Variants in ITGB2 observed in about 807,000 individuals in gnomAD.
The protein encoded by ITGB2 is integrin subunit beta 2.
ITGB2 carries 56 observed loss-of-function variants against 86.8 expected under a neutral mutation model. That is an observed-to-expected ratio of 0.65 (90% CI 0.52 to 0.81). The LOEUF (loss-of-function observed/expected upper bound fraction) is 0.81. Ranked by LOEUF, ITGB2 falls within the 30% of genes least tolerant of loss-of-function variation. The pLI, the probability that ITGB2 is intolerant of heterozygous loss-of-function variation, is 0.00. For synonymous variants in ITGB2, 457 were observed against 450.4 expected (o/e 1.01, Z -0.19); for missense variants, 948 against 1,061.2 (o/e 0.89, Z 1.48).
chr21:44,894,959 C>CG lies in ITGB2; in HGVS notation c.1083+11dup, dbSNP rs761870593. The CG allele has an allele frequency of 6.4e-7, 1 of 1,565,854 alleles. No homozygotes were observed. The highest frequency in any genetic ancestry group is 8.8e-7 in the Non-Finnish European group (1 of 1,136,274). Reference sequence around the variant, plus strand: ...CCCCATGGGTCCCAGCTGAGTGGTGCGGGAGACTCACATTGTAAGCATTCT... The same window carrying CG: ...CCCCATGGGTCCCAGCTGAGTGGTGCGGGGAGACTCACATTGTAAGCATTCT... On this transcript the variant is annotated intron_variant, in intron 9 of 15. Coordinates refer to ENST00000652462, the MANE Select transcript of ITGB2 (RefSeq NM_000211.5).
intron 6 of ITGB2, among the ~76,000 whole-genome samples, 179 bp downstream of exon 6, chr21:44,901,313 C>T (rs943790016): frequency 1.3e-5 from 2 of 152,240 alleles, no homozygotes; most frequent in Non-Finnish European, 2.9e-5. Flanking sequence ...GTCACCCTCC[C>T]TTCCTCCTGC....
Position 44,907,057 on chromosome 21 carries a change from G to C in ITGB2, c.186C>G (p.Cys62Trp). ...TGPGDPDSIR[C>W]DTRPQLLMRG... is the part of the protein sequence containing the mutation. ...TCATGAGCAGCTGTGGCCGGGTGTC[G>C]CAGCGAATGGAGTCAGGATCCCCCG... The change falls in exon 4 of 16, where the codon TGC becomes TGG. Residue 62 changes from cysteine (C) to tryptophan (W), a missense_variant. Physicochemically the swap from Cys to Trp is radical, Grantham distance 215. Coordinates refer to ENST00000652462, the MANE Select transcript of ITGB2 (RefSeq NM_000211.5). 2 of 1,610,582 alleles carry C rather than the reference G, an allele frequency of 1.2e-6. No homozygotes were observed. The highest frequency in any genetic ancestry group is 1.7e-6 in the Non-Finnish European group (2 of 1,177,350).
chr21:44,909,452 A>G (rs911188455), intron 3 of ITGB2: 4 of 152,464 alleles, frequency 2.6e-5, no homozygotes, highest in Non-Finnish European at 5.9e-5. Context: ...ACTTGTCCAG[A>G]TTCAAGAAGC....
At chr21:44,887,459 T>C (rs1187052770) in intron 14 of ITGB2, among the ~76,000 whole-genome samples, 1 of 152,092 alleles carries the variant, frequency 6.6e-6, no homozygotes, top group Non-Finnish European at 1.5e-5. Context: ...CTGCTGACCC[T>C]GGGACAGACA....
chr21:44,892,549 G>C (rs896598586), intron 10 of ITGB2, among the ~76,000 whole-genome samples: 3 of 135,654 alleles, frequency 2.2e-5, no homozygotes, highest in Non-Finnish European at 3.1e-5. Context: ...GGATTGTAGT[G>C]AGCCAAGATC....
Position 44,919,646 on chromosome 21 carries a change from G to A in ITGB2, c.-4+1175C>T, listed in dbSNP as rs925833361. On this transcript the variant is annotated intron_variant, in intron 1 of 15. Coordinates refer to ENST00000652462, the MANE Select transcript of ITGB2 (RefSeq NM_000211.5). ...CGTCACGGGGAAGGCGAGTGACAGCGAGTGTCCCCTATGCCCCCACAGCTC... is the reference window on the plus strand; with the variant it reads ...CGTCACGGGGAAGGCGAGTGACAGCAAGTGTCCCCTATGCCCCCACAGCTC... Among the ~76,000 whole-genome samples the A allele has an allele frequency of 1.3e-5, 2 of 152,302 alleles. 1 individual carries two copies.
chr21:44,907,816 G>T (rs898371892), intron 3 of ITGB2, among the ~76,000 whole-genome samples: 3 of 152,232 alleles, frequency 2.0e-5, no homozygotes, highest in African/African-American at 7.2e-5. Context: ...GCAGGCAGGG[G>T]GGCAGGTGGG....
chr21:44,909,076 G>T (rs2084089342), intron 3 of ITGB2, among the ~76,000 whole-genome samples: 1 of 152,222 alleles, frequency 6.6e-6, no homozygotes, highest in Admixed American at 6.5e-5. Context: ...CCAATCTGCA[G>T]CCATCGCAGT....
intron 1 of ITGB2, among the ~76,000 whole-genome samples, chr21:44,915,363 A>T (rs1222746535): frequency 6.6e-6 from 1 of 152,144 alleles, no homozygotes; most frequent in East Asian, 1.9e-4. Context: ...CCCTAAGACG[A>T]GACTGCTTGA....
upstream of ITGB2, among the ~76,000 whole-genome samples, chr21:44,925,309 C>T (rs1003917765): frequency 5.3e-5 from 8 of 151,128 alleles, no homozygotes; most frequent in East Asian, 1.9e-4. Flanking sequence ...GACTAGGTCT[C>T]GCTACGTTGC....
chr21:44,900,277 T>C (rs763576108), intron 7 of ITGB2, 43 bp downstream of exon 7: 2 of 1,613,186 alleles, frequency 1.2e-6, no homozygotes, highest in South Asian at 2.2e-5. Context: ...CCGTCAGTGG[T>C]GTCCTGCCAG....
chr21:44,923,868 CT>C (rs2084339421), upstream of ITGB2, among the ~76,000 whole-genome samples: 2 of 152,014 alleles, frequency 1.3e-5, no homozygotes, highest in African/African-American at 4.8e-5. Context: ...ACACTGAAGG[CT>C]GAAAATAAAG....
At chr21:44,909,445 T>C (rs979122613) in intron 3 of ITGB2, 1 of 152,384 alleles carries the variant, frequency 6.6e-6, no homozygotes, top group Non-Finnish European at 1.5e-5. Context: ...GCTGAGGACT[T>C]GTCCAGATTC....
chr21:44,901,276 T>C (rs1190310499), intron 6 of ITGB2, among the ~76,000 whole-genome samples: 1 of 152,226 alleles, frequency 6.6e-6, no homozygotes, highest in Non-Finnish European at 1.5e-5. Flanking sequence ...AACAATGAAA[T>C]CAGCGCATGA....
rs1322277324 is a variant in ITGB2 at position 44,926,133 on chromosome 21, AT to A, written c.-4+2520del. Among the ~76,000 whole-genome samples the A allele has an allele frequency of 5.4e-3, 820 of 151,660 alleles. 6 individuals are homozygous for A. Among genetic ancestry groups the A allele is most frequent in the African/African-American group, 0.019 (770 of 41,410 alleles). On this transcript the variant is annotated intron_variant, in intron 1 of 15. Transcript: ENST00000355153. ...AAATATATATACAATAAATAAATAA[AT>A]TAATTAATTAATTAAATAAAGGCTG...
At chr21:44,906,675 G>C (rs1187608486) in intron 4 of ITGB2, among the ~76,000 whole-genome samples, 1 of 152,202 alleles carries the variant, frequency 6.6e-6, no homozygotes, top group Non-Finnish European at 1.5e-5. Flanking sequence ...GGCTGCGAGA[G>C]AGTGCAGACA....
intron 7 of ITGB2, among the ~76,000 whole-genome samples, chr21:44,899,552 G>A (rs2083918104): frequency 1.0e-5 from 1 of 98,264 alleles, no homozygotes; most frequent in Admixed American, 9.2e-5. Context: ...CCCGAGGGCC[G>A]TCCCTCCCGT....
At chr21:44,896,457 C>T (rs368718164) in intron 8 of ITGB2, among the ~76,000 whole-genome samples, 4 of 152,220 alleles carry the variant, frequency 2.6e-5, no homozygotes, top group Non-Finnish European at 4.4e-5. Flanking sequence ...TGGAAGATTG[C>T]GGCATCATTT....
At chr21:44,903,628 C>A (rs2083999755) in intron 4 of ITGB2, 93 bp from the exon 5 acceptor site, 1 of 1,454,312 alleles carries the variant, frequency 6.9e-7, no homozygotes, top group South Asian at 1.2e-5. Flanking sequence ...TGCACTGGCA[C>A]CCTCTCCTCC....
Sources: gnomAD v4.1 joint callset for allele counts (sites outside exome capture counted in the v4.1 genomes callset) on GRCh38, gnomAD v4.1.1 for gene constraint, MANE v1.5 for transcripts, NCBI Gene and HGNC (gene_info 2026-07-23, HGNC 2026-07-21) for gene names.